The following SLC47A2 variants were observed in gnomAD, a reference collection of about 807,000 sequenced individuals.
SLC47A2 encodes multidrug and toxin extrusion protein 2.
SLC47A2 carries 52 observed loss-of-function variants against 67.7 expected under a neutral mutation model. The ratio of observed to expected loss-of-function variants is 0.77; its 90% confidence interval spans 0.61 to 0.97. The LOEUF is 0.97. Ranked by LOEUF, SLC47A2 falls within the 50% of genes least tolerant of loss-of-function variation. The pLI, the probability that SLC47A2 is intolerant of heterozygous loss-of-function variation, is 0.00. For missense variants in SLC47A2, 676 were observed against 712.3 expected, an observed-to-expected ratio of 0.95 and a Z score of 0.58; for synonymous variants, 278 against 292.9, an observed-to-expected ratio of 0.95 and a Z score of 0.52.
chr17:19,690,584 C>A (rs942679737), intron 13 of SLC47A2, among the ~76,000 whole-genome samples: 1 of 152,084 alleles, frequency 6.6e-6, no homozygotes, highest in African/African-American at 2.4e-5. Context: ...AGAAAAAAAT[C>A]TAATCCGATT....
chr17:19,690,808 G>C (rs1324914722), intron 13 of SLC47A2, among the ~76,000 whole-genome samples: 2 of 151,966 alleles, frequency 1.3e-5, no homozygotes, highest in African/African-American at 4.8e-5. Flanking sequence ...GGATGCTAGG[G>C]AGGACATGAA....
chr17:19,714,625 C>T, intron 3 of SLC47A2, 96 bp downstream of exon 3: 1 of 1,455,054 alleles, frequency 6.9e-7, no homozygotes, highest in Non-Finnish European at 9.6e-7. Context: ...TCCCAGATCA[C>T]CTGGCTGCGC....
intron 13 of SLC47A2, among the ~76,000 whole-genome samples, chr17:19,687,551 C>T (rs1380746956): frequency 6.6e-6 from 1 of 150,488 alleles, no homozygotes; most frequent in East Asian, 1.9e-4. Flanking sequence ...TACAAAAGAT[C>T]AATGAAATGA....
intron 13 of SLC47A2, among the ~76,000 whole-genome samples, chr17:19,690,841 G>A (rs1006369312): frequency 3.9e-5 from 6 of 151,962 alleles, no homozygotes; most frequent in Non-Finnish European, 7.4e-5. Flanking sequence ...CCCCTTGGCC[G>A]GGCACGGTGG....
intron 13 of SLC47A2, among the ~76,000 whole-genome samples, chr17:19,692,501 A>C (rs1432972524): frequency 6.6e-6 from 1 of 152,218 alleles, no homozygotes; most frequent in African/African-American, 2.4e-5. Context: ...AGAAATAGGA[A>C]ATCTGAATAG....
At chr17:19,682,238 A>G (rs2085330115) in intron 13 of SLC47A2, among the ~76,000 whole-genome samples, 1 of 151,766 alleles carries the variant, frequency 6.6e-6, no homozygotes, top group South Asian at 2.1e-4. Context: ...TGGCACTGTA[A>G]TCCCAGCTAC....
At chr17:19,706,559 G>A (rs1285169776) in intron 9 of SLC47A2, 89 bp downstream of exon 9, 13 of 1,112,430 alleles carry the variant, frequency 1.2e-5, no homozygotes, top group Non-Finnish European at 1.6e-5. Flanking sequence ...GGGGCTTCTG[G>A]GATGGGTGAG....
At chr17:19,707,166 C>T (rs529740588) in intron 8 of SLC47A2, among the ~76,000 whole-genome samples, 13 of 152,128 alleles carry the variant, frequency 8.5e-5, no homozygotes, top group African/African-American at 3.1e-4. Flanking sequence ...CACAGGTGCA[C>T]TGGGCAAGCT....
intron 5 of SLC47A2, among the ~76,000 whole-genome samples, chr17:19,709,987 G>T (rs955085406): frequency 6.0e-5 from 9 of 149,772 alleles, no homozygotes; most frequent in African/African-American, 2.3e-4. Context: ...GCCCCAAAAA[G>T]GTCATGGCAC....
chr17:19,712,608 C>A (rs1372902935), intron 5 of SLC47A2, 95 bp downstream of exon 5: 2 of 1,346,648 alleles, frequency 1.5e-6, no homozygotes, highest in Admixed American at 2.0e-5. Context: ...GAAGTCACAG[C>A]AGGATAGGGA....
At chr17:19,682,208 C>T (rs976865291) in intron 13 of SLC47A2, among the ~76,000 whole-genome samples, 12 of 151,932 alleles carry the variant, frequency 7.9e-5, no homozygotes, top group African/African-American at 2.9e-4. Flanking sequence ...TCTAAAAATA[C>T]AAAAATTAGC....
chr17:19,690,458 A>G (rs1006976452), intron 13 of SLC47A2, among the ~76,000 whole-genome samples: 13 of 152,202 alleles, frequency 8.5e-5, no homozygotes, highest in Non-Finnish European at 1.8e-4. Context: ...TGTACAGCAA[A>G]GGAAACAATC....
intron 1 of SLC47A2, chr17:19,715,717 T>G (rs1349412997): frequency 7.0e-6 from 1 of 142,914 alleles, no homozygotes; most frequent in Non-Finnish European, 1.5e-5. Context: ...TTTTTTTTTT[T>G]TTTTTTGAGA....
At position 19,713,924 on chromosome 17, in the gene SLC47A2, C is replaced by A; in HGVS notation, c.344G>T (p.Gly115Val). 6.2e-7 allele frequency: 1 copy of A among 1,613,312 alleles called. No individual in the cohort carries two copies. The highest frequency in any genetic ancestry group is 1.1e-5 in the South Asian group (1 of 91,052). ...GCAGCAGAGGAGCAGGACCAGCGCGCCCCGCTGCAGGATCACGCCCACGTG... is the reference window on the plus strand; with the variant it reads ...GCAGCAGAGGAGCAGGACCAGCGCGACCCGCTGCAGGATCACGCCCACGTG... The part of the protein sequence containing the change: ...KKHVGVILQR[G>V]ALVLLLCCLP... The change falls in exon 4 of 17, where the codon GGC becomes GTC. Residue 115 changes from glycine (G) to valine (V), a missense_variant. Physicochemically the swap from Gly to Val is moderately radical, Grantham distance 109. Coordinates refer to ENST00000433844, the MANE Select transcript of SLC47A2 (RefSeq NM_001099646.3).
rs200816099 is a variant in SLC47A2 at position 19,708,697 on chromosome 17, A to T, written c.531+19T>A. 3 of 1,613,850 alleles carry T rather than the reference A, an allele frequency of 1.9e-6. No individual in the cohort carries two copies. The highest frequency in any genetic ancestry group is 2.5e-6 in the Non-Finnish European group (3 of 1,179,970). ...AGTGTGCTGGGAGAAGGGCCTCCCC[A>T]CACACCAAAGACCTGTACCTGATTT... On this transcript the variant is annotated intron_variant, in intron 6 of 16. Coordinates refer to ENST00000433844, the MANE Select transcript of SLC47A2 (RefSeq NM_001099646.3).
chr17:19,693,454 T>C (rs1484980396), intron 13 of SLC47A2, among the ~76,000 whole-genome samples: 1 of 151,980 alleles, frequency 6.6e-6, no homozygotes, highest in Non-Finnish European at 1.5e-5. Flanking sequence ...GGCTCAGATG[T>C]ATGCTCTTTA....
intron 15 of SLC47A2, among the ~76,000 whole-genome samples, chr17:19,680,878 C>G (rs1478734838): frequency 6.6e-6 from 1 of 152,094 alleles, no homozygotes; most frequent in African/African-American, 2.4e-5. Context: ...TTATACTGGC[C>G]AATTACAGTG....
Position 19,713,842 on chromosome 17 carries a change from C to T in SLC47A2, c.426G>A (p.Gln142=), listed in dbSNP as rs776289232. 4 of 1,612,896 alleles carry T rather than the reference C, an allele frequency of 2.5e-6. No homozygotes were observed. The highest frequency in any genetic ancestry group is 3.4e-6 in the Non-Finnish European group (4 of 1,179,742). Residue 142 remains glutamine, a synonymous_variant, in exon 4 of 17, where the codon CAG becomes CAA. Coordinates refer to ENST00000433844, the MANE Select transcript of SLC47A2 (RefSeq NM_001099646.3). ...NTQHILLLFR[Q]DPDVSRLTQD... ...CAGCGCACCTGGACACGTCCGGGTC[C>T]TGCCGGAAGAGCAGCAGGATGTGCT...
In SLC47A2 at chr17:19,708,416, C is replaced by T. The variant is rs1374420949; in HGVS notation, c.532-17G>A. On this transcript the variant is annotated splice_polypyrimidine_tract_variant and intron_variant, in intron 6 of 16. Coordinates refer to ENST00000433844, the MANE Select transcript of SLC47A2 (RefSeq NM_001099646.3). The stretch of plus-strand genomic sequence containing the variant: ...GGTGATCTTCTGAAATAAATGAAAA[C>T]TGGCCCTGCTAAGGTGTGAGTGAGA... The T allele has an allele frequency of 6.2e-7, 1 of 1,614,166 alleles. No homozygotes were observed. Among genetic ancestry groups the T allele is most frequent in the South Asian group, 1.1e-5 (1 of 91,082 alleles).
Sources: gnomAD v4.1 joint callset for allele counts (sites outside exome capture counted in the v4.1 genomes callset) on GRCh38, gnomAD v4.1.1 for gene constraint, MANE v1.5 for transcripts, NCBI Gene and HGNC (gene_info 2026-07-23, HGNC 2026-07-21) for gene names.